IMMP2L: variants seen among roughly 807,000 people sequenced by gnomAD.
The protein encoded by IMMP2L is inner mitochondrial membrane peptidase subunit 2.
IMMP2L carries 18 observed loss-of-function variants against 19.3 expected under a neutral mutation model. That is an observed-to-expected ratio of 0.93 (90% CI 0.64 to 1.38). The LOEUF (loss-of-function observed/expected upper bound fraction) is 1.38. Among genes scored for constraint, IMMP2L ranks in the 40% most tolerant of loss-of-function variants. The pLI, the probability that IMMP2L is intolerant of heterozygous loss-of-function variation, is 0.00. For missense variants in IMMP2L, 233 were observed against 218.2 expected (o/e 1.07, Z -0.43); for synonymous variants, 76 against 73.0 (o/e 1.04, Z -0.21).
intron 1 of IMMP2L, among the ~76,000 whole-genome samples, chr7:111,542,720 G>GT (rs1848601096): frequency 6.6e-6 from 1 of 152,044 alleles, no homozygotes; most frequent in African/African-American, 2.4e-5. Context: ...CTATGTAAAA[G>GT]GTAAATGTTC....
chr7:110,773,124 C>T (rs1190404210), intron 5 of IMMP2L, among the ~76,000 whole-genome samples: 3 of 152,064 alleles, frequency 2.0e-5, no homozygotes, highest in East Asian at 3.9e-4. Context: ...CTTGGAGCAA[C>T]GTTTCACAAG....
intron 5 of IMMP2L, among the ~76,000 whole-genome samples, chr7:110,674,502 T>C (rs1792148433): frequency 6.6e-6 from 1 of 152,174 alleles, no homozygotes; most frequent in Non-Finnish European, 1.5e-5. Context: ...AGAAACAACC[T>C]GCACTTTTAG....
At chr7:111,046,254 G>C (rs565008520) in intron 3 of IMMP2L, among the ~76,000 whole-genome samples, 1 of 151,934 alleles carries the variant, frequency 6.6e-6, no homozygotes, top group Non-Finnish European at 1.5e-5. Context: ...CACAGTAAAA[G>C]AAAGAAGTAG....
chr7:110,778,684 CA>C (rs1354255157), intron 5 of IMMP2L, among the ~76,000 whole-genome samples: 1 of 151,940 alleles, frequency 6.6e-6, no homozygotes, highest in Non-Finnish European at 1.5e-5. Flanking sequence ...AAAGAAATTA[CA>C]TTTTAAAATA....
At chr7:111,110,017 C>T (rs1210917436) in intron 3 of IMMP2L, among the ~76,000 whole-genome samples, 1 of 152,132 alleles carries the variant, frequency 6.6e-6, no homozygotes, top group Non-Finnish European at 1.5e-5. Flanking sequence ...CACCTGTAGT[C>T]CAAGCTACTC....
At chr7:110,771,905 A>C (rs906229345) in intron 5 of IMMP2L, among the ~76,000 whole-genome samples, 3 of 152,174 alleles carry the variant, frequency 2.0e-5, no homozygotes, top group African/African-American at 7.2e-5. Context: ...TGTACCCAGC[A>C]CTTGGTTACA....
intron 5 of IMMP2L, among the ~76,000 whole-genome samples, chr7:110,828,528 A>G (rs1803696901): frequency 6.6e-6 from 1 of 152,164 alleles, no homozygotes; most frequent in African/African-American, 2.4e-5. Context: ...ATCACTGCAG[A>G]GTATGTCTCC....
intron 2 of IMMP2L, among the ~76,000 whole-genome samples, chr7:111,499,128 G>C (rs986057223): frequency 2.6e-5 from 4 of 152,148 alleles, no homozygotes; most frequent in Non-Finnish European, 5.9e-5. Flanking sequence ...TGCAGCCATG[G>C]AGGCAGCAGT....
chr7:111,204,955 T>C (rs1464793071), intron 3 of IMMP2L, among the ~76,000 whole-genome samples: 1 of 152,208 alleles, frequency 6.6e-6, no homozygotes. Context: ...CCATTCCTCC[T>C]GCTATAACAA....
At chr7:111,114,634 G>A (rs1241604056) in intron 3 of IMMP2L, among the ~76,000 whole-genome samples, 1 of 151,642 alleles carries the variant, frequency 6.6e-6, no homozygotes, top group East Asian at 1.9e-4. Context: ...CACTTGGGAG[G>A]CTGAGGCAGG....
chr7:110,928,695 T>C (rs751079117), intron 4 of IMMP2L, among the ~76,000 whole-genome samples: 3 of 152,106 alleles, frequency 2.0e-5, no homozygotes, highest in Non-Finnish European at 4.4e-5. Flanking sequence ...TTGAGATTTC[T>C]GTTATTACAC....
intron 3 of IMMP2L, among the ~76,000 whole-genome samples, chr7:111,180,073 A>C (rs1260409146): frequency 1.3e-5 from 2 of 152,044 alleles, no homozygotes; most frequent in African/African-American, 4.8e-5. Flanking sequence ...TCTCCATATC[A>C]GCAATAAGAC....
chr7:111,102,887 A>AT (rs935401441), intron 3 of IMMP2L, among the ~76,000 whole-genome samples: 1 of 151,454 alleles, frequency 6.6e-6, no homozygotes, highest in African/African-American at 2.4e-5. Context: ...TTGTAAACTT[A>AT]TTTTTTTAAA....
At chr7:111,218,515 G>A (rs183965314) in intron 3 of IMMP2L, among the ~76,000 whole-genome samples, 352 of 151,636 alleles carry the variant, frequency 2.3e-3, no homozygotes, top group Non-Finnish European at 3.5e-3. Flanking sequence ...CCCAGGCAAC[G>A]TAAATAAAAC....
chr7:111,422,711 C>T (rs1835690743), intron 3 of IMMP2L, among the ~76,000 whole-genome samples: 1 of 151,776 alleles, frequency 6.6e-6, no homozygotes, highest in African/African-American at 2.4e-5. Context: ...CCCTTTATTT[C>T]TTTCTCTTGC....
chr7:110,949,017 T>G (rs774464344), intron 4 of IMMP2L, among the ~76,000 whole-genome samples: 3 of 152,182 alleles, frequency 2.0e-5, no homozygotes, highest in African/African-American at 4.8e-5. Flanking sequence ...CACCAGGTTC[T>G]CAGGCCTCTG....
intron 3 of IMMP2L, among the ~76,000 whole-genome samples, chr7:111,228,638 A>T (rs956877463): frequency 6.6e-6 from 1 of 152,070 alleles, no homozygotes; most frequent in Non-Finnish European, 1.5e-5. Flanking sequence ...CTGACCATAC[A>T]TAAAGTTTGG....
intron 5 of IMMP2L, among the ~76,000 whole-genome samples, chr7:110,770,504 C>T (rs1299881280): frequency 3.3e-5 from 5 of 152,194 alleles, no homozygotes; most frequent in African/African-American, 1.2e-4. Context: ...CCCAGTCACA[C>T]TTCTTCACCT....
Position 110,803,777 on chromosome 7 carries a change from G to A in IMMP2L, c.408+82816C>T, listed in dbSNP as rs1301061208. Among the ~76,000 whole-genome samples, 1 of 152,038 alleles carries A rather than the reference G, an allele frequency of 6.6e-6. No individual in the cohort carries two copies. Among genetic ancestry groups the A allele is most frequent in the Non-Finnish European group, 1.5e-5 (1 of 67,968 alleles). ...CATTCCTTGAAGGAACACCTGGGGA[G>A]TCAGAGTTACCAGTAGTTTTCAAAG... On this transcript the variant is annotated intron_variant, in intron 5 of 5. Coordinates refer to ENST00000405709, the MANE Select transcript of IMMP2L (RefSeq NM_032549.4). The surrounding 1 kb of genome is among the most constrained non-coding windows in gnomAD (Gnocchi z 4.2).
Sources: allele counts gnomAD v4.1 joint callset (sites outside exome capture counted in the v4.1 genomes callset), GRCh38; gene constraint gnomAD v4.1.1; non-coding constraint Gnocchi (gnomAD v3.1); transcripts MANE v1.5; gene names NCBI Gene and HGNC (gene_info 2026-07-23, HGNC 2026-07-21).